CLVS1: variants seen among roughly 807,000 people sequenced by gnomAD.
CLVS1 encodes clavesin-1.
Under a neutral mutation model 33.1 loss-of-function variants are expected in CLVS1, and 10 were observed. That is an observed-to-expected ratio of 0.30 (90% CI 0.19 to 0.51). The LOEUF (loss-of-function observed/expected upper bound fraction) is 0.51. CLVS1 is among the 20% of genes least tolerant of loss of function. CLVS1 has a pLI of 0.97. For missense variants in CLVS1, 343 were observed against 433.4 expected, an observed-to-expected ratio of 0.79 and a Z score of 1.85; for synonymous variants, 163 against 166.1, an observed-to-expected ratio of 0.98 and a Z score of 0.14.
chr8:61,285,084 G>A (rs1377942766), upstream of CLVS1, among the ~76,000 whole-genome samples: 1 of 151,890 alleles, frequency 6.6e-6, no homozygotes, highest in Non-Finnish European at 1.5e-5. Flanking sequence ...TATGAGATTG[G>A]ACTAAAAAAA....
chr8:61,472,012 A>G (rs1357288386), intron 5 of CLVS1, among the ~76,000 whole-genome samples: 1 of 152,172 alleles, frequency 6.6e-6, no homozygotes, highest in African/African-American at 2.4e-5. Context: ...GCTCCAGGAC[A>G]GCCCTGCTCC....
chr8:61,222,912 A>G (rs910580830), intron 2 of CLVS1, among the ~76,000 whole-genome samples: 2 of 141,208 alleles, frequency 1.4e-5, no homozygotes, highest in African/African-American at 5.3e-5. Flanking sequence ...CTTTACCATT[A>G]TGTAATGCCC....
chr8:61,237,899 C>T (rs1345431899), intron 2 of CLVS1, among the ~76,000 whole-genome samples: 2 of 150,714 alleles, frequency 1.3e-5, no homozygotes, highest in Admixed American at 1.3e-4. Context: ...ATGTAAGCCA[C>T]AATGTTGTAT....
the CLVS1 span, among the ~76,000 whole-genome samples, chr8:60,999,673 A>T: frequency 6.6e-6 from 1 of 152,244 alleles, no homozygotes; most frequent in Non-Finnish European, 1.5e-5. Context: ...ATAAAAGATG[A>T]TTAATAAAGC....
chr8:61,009,099 T>A, the CLVS1 span, among the ~76,000 whole-genome samples: 1 of 152,324 alleles, frequency 6.6e-6, no homozygotes, highest in South Asian at 2.1e-4. Flanking sequence ...GGGTTACACA[T>A]ACCATTAGTA....
At chr8:61,117,422 G>C (rs1165159148) in intron 1 of CLVS1, among the ~76,000 whole-genome samples, 1 of 151,948 alleles carries the variant, frequency 6.6e-6, no homozygotes, top group African/African-American at 2.4e-5. Flanking sequence ...AATAGGAGTG[G>C]TGAGAGAGGG....
At chr8:61,362,720 C>A (rs1299471873) in intron 2 of CLVS1, among the ~76,000 whole-genome samples, 1 of 152,176 alleles carries the variant, frequency 6.6e-6, no homozygotes, top group African/African-American at 2.4e-5. Flanking sequence ...TACAAAGATT[C>A]CTGTTAGCTC....
chr8:61,375,546 G>C (rs1265853096), intron 2 of CLVS1, among the ~76,000 whole-genome samples: 1 of 152,072 alleles, frequency 6.6e-6, no homozygotes, highest in Non-Finnish European at 1.5e-5. Flanking sequence ...CCACCGCCTG[G>C]CCCTGGCTTA....
At chr8:61,444,822 C>T (rs181391554) in intron 3 of CLVS1, among the ~76,000 whole-genome samples, 1 of 152,114 alleles carries the variant, frequency 6.6e-6, no homozygotes, top group Non-Finnish European at 1.5e-5. Context: ...TTTGGTGGAC[C>T]CTTGTGGGTA....
chr8:61,028,921 ACT>A, the CLVS1 span, among the ~76,000 whole-genome samples: 1 of 151,554 alleles, frequency 6.6e-6, no homozygotes, highest in Non-Finnish European at 1.5e-5. Flanking sequence ...ATTTTGTAAA[ACT>A]CTCTCATTTT....
chr8:61,039,631 C>A, the CLVS1 span, among the ~76,000 whole-genome samples: 4 of 152,174 alleles, frequency 2.6e-5, no homozygotes, highest in Non-Finnish European at 5.9e-5. Flanking sequence ...CAGCCTCCAC[C>A]TCCTGCTCAA....
At chr8:61,343,731 A>G (rs375731665) in intron 2 of CLVS1, among the ~76,000 whole-genome samples, 68 of 152,300 alleles carry the variant, frequency 4.5e-4, no homozygotes, top group Admixed American at 7.2e-4. Flanking sequence ...CGTTCCTCTG[A>G]TTCTCCAAAG....
intron 2 of CLVS1, among the ~76,000 whole-genome samples, chr8:61,330,486 C>T (rs1162719582): frequency 6.6e-6 from 1 of 152,170 alleles, no homozygotes; most frequent in Non-Finnish European, 1.5e-5. Flanking sequence ...TCACTCCTTA[C>T]CCGGCCTTCC....
chr8:61,454,031 G>A (rs1817059689), intron 3 of CLVS1, 110 bp from the exon 4 acceptor site: 4 of 764,252 alleles, frequency 5.2e-6, no homozygotes, highest in Non-Finnish European at 7.1e-6. Context: ...TGAAGCTAGA[G>A]CTTCTACCAG....
At chr8:61,463,746 C>T (rs1418737328) in intron 5 of CLVS1, among the ~76,000 whole-genome samples, 1 of 152,002 alleles carries the variant, frequency 6.6e-6, no homozygotes, top group African/African-American at 2.4e-5. Context: ...TTTTTTATCA[C>T]AGATCACCAT....
intron 3 of CLVS1, among the ~76,000 whole-genome samples, chr8:61,382,200 T>C (rs542222118): frequency 2.6e-5 from 4 of 152,216 alleles, no homozygotes; most frequent in Non-Finnish European, 5.9e-5. Flanking sequence ...CAATGATTGA[T>C]CATATTGTGA....
At chr8:61,130,625 G>A (rs4737576) in intron 1 of CLVS1, among the ~76,000 whole-genome samples, 2 of 152,018 alleles carry the variant, frequency 1.3e-5, no homozygotes, top group Non-Finnish European at 2.9e-5. Flanking sequence ...TGTTTTGTTT[G>A]TACATATAAT....
At chr8:61,479,897 G>A (rs369527206) in intron 5 of CLVS1, among the ~76,000 whole-genome samples, 26 of 152,146 alleles carry the variant, frequency 1.7e-4, no homozygotes, top group Non-Finnish European at 3.1e-4. Flanking sequence ...GCAGAACAGC[G>A]GATATTGGTG....
intron 3 of CLVS1, among the ~76,000 whole-genome samples, chr8:61,414,413 T>A (rs1253945909): frequency 6.6e-6 from 1 of 151,736 alleles, no homozygotes; most frequent in Non-Finnish European, 1.5e-5. Flanking sequence ...ATTGTTTTTT[T>A]TTTTTCATAT....
Sources: gnomAD v4.1 joint callset for allele counts (sites outside exome capture counted in the v4.1 genomes callset) on GRCh38, gnomAD v4.1.1 for gene constraint, MANE v1.5 for transcripts, NCBI Gene and HGNC (gene_info 2026-07-23, HGNC 2026-07-21) for gene names.